TLE1: variants seen among roughly 807,000 people sequenced by gnomAD.
TLE1 encodes transducin-like enhancer protein 1.
TLE1 carries 21 observed loss-of-function variants against 89.8 expected under a neutral mutation model. The observed-to-expected ratio is 0.23, with a 90% CI of 0.17 to 0.34. TLE1 has a LOEUF of 0.34. TLE1 is among the 10% of genes least tolerant of loss of function. The pLI is 1.00. For missense variants in TLE1, 795 were observed against 1,031.2 expected (o/e 0.77, Z 3.14); for synonymous variants, 447 against 407.6 (o/e 1.10, Z -1.16).
intron 4 of TLE1, among the ~76,000 whole-genome samples, chr9:81,665,482 A>AG (rs1470410977): frequency 2.6e-5 from 4 of 152,014 alleles, no homozygotes; most frequent in Non-Finnish European, 5.9e-5. Context: ...TCACACTCGC[A>AG]GTTCTCTGAA....
chr9:81,631,644 G>C (rs748436775), intron 8 of TLE1, among the ~76,000 whole-genome samples: 5 of 152,200 alleles, frequency 3.3e-5, no homozygotes, highest in Non-Finnish European at 7.3e-5. Context: ...AGGTGAAACA[G>C]GAGTACTGAA....
intron 6 of TLE1, among the ~76,000 whole-genome samples, chr9:81,650,714 G>A (rs1180455766): frequency 6.6e-6 from 1 of 152,136 alleles, no homozygotes; most frequent in East Asian, 1.9e-4. Flanking sequence ...TACTGAAGGA[G>A]GGGGAAGGCA....
At chr9:81,643,301 A>C (rs544164409) in intron 6 of TLE1, among the ~76,000 whole-genome samples, 1 of 151,264 alleles carries the variant, frequency 6.6e-6, no homozygotes, top group South Asian at 2.1e-4. Context: ...CAATGGTGCG[A>C]TCTCGGCTCA....
At chr9:81,600,971 G>A (rs1181168086) in intron 14 of TLE1, among the ~76,000 whole-genome samples, 5 of 152,144 alleles carry the variant, frequency 3.3e-5, no homozygotes, top group South Asian at 2.1e-4. Context: ...CAGCTTTCCC[G>A]GGCCTCCAGC....
intron 16 of TLE1, among the ~76,000 whole-genome samples, chr9:81,589,723 G>C (rs1188076909): frequency 6.6e-6 from 1 of 152,132 alleles, no homozygotes; most frequent in Admixed American, 6.5e-5. Context: ...AAAGTGCTTA[G>C]AATTGATATT....
intron 8 of TLE1, among the ~76,000 whole-genome samples, chr9:81,632,607 T>C (rs750153747): frequency 2.0e-4 from 30 of 152,064 alleles, no homozygotes; most frequent in Non-Finnish European, 3.2e-4. Flanking sequence ...TACACAACAT[T>C]TGAGACACAC....
At chr9:81,600,246 C>G (rs1358687713) in intron 14 of TLE1, 1 of 578,092 alleles carries the variant, frequency 1.7e-6, no homozygotes, top group Non-Finnish European at 3.1e-6. Flanking sequence ...CAGACAAAAA[C>G]GAGCATTATC....
In TLE1 at chr9:81,688,713, C is replaced by G. The variant is rs924015914; in HGVS notation, c.-473G>C. The stretch of plus-strand genomic sequence containing the variant: ...CCTCCTCTTCGGGCTTTCCCCGAGG[C>G]GGCGGCGGGCGAGGTGCAGGTGGCG... On this transcript the variant is annotated 5_prime_UTR_variant, in exon 1 of 20. Transcript: ENST00000376499. 2 of 155,740 alleles carry G rather than the reference C, an allele frequency of 1.3e-5. No individual in the cohort carries two copies. The highest frequency in any genetic ancestry group is 4.8e-5 in the African/African-American group (2 of 41,612). The allele number at this position is 155,740 out of a possible 1,614,324, so 9.6% of individuals were successfully genotyped here. A position where few individuals can be genotyped will look rare whatever the true frequency, so the allele number is the denominator to read the frequency against.
chr9:81,672,270 T>TA (rs1832319587), intron 4 of TLE1, among the ~76,000 whole-genome samples: 1 of 152,134 alleles, frequency 6.6e-6, no homozygotes, highest in Non-Finnish European at 1.5e-5. Context: ...GTAAACAGCC[T>TA]AAACTTCCAG....
At chr9:81,680,469 C>T (rs996362032) in intron 4 of TLE1, among the ~76,000 whole-genome samples, 1 of 152,100 alleles carries the variant, frequency 6.6e-6, no homozygotes, top group African/African-American at 2.4e-5. Flanking sequence ...GGGGGCATTC[C>T]GTTTGAATTT....
At chr9:81,664,499 T>G (rs1211860630) in intron 4 of TLE1, among the ~76,000 whole-genome samples, 1 of 152,186 alleles carries the variant, frequency 6.6e-6, no homozygotes, top group Non-Finnish European at 1.5e-5. Context: ...TGTGTCTGAG[T>G]AGCTTTTGTT....
intron 7 of TLE1, 48 bp downstream of exon 7, chr9:81,634,049 G>T: frequency 1.3e-6 from 2 of 1,561,638 alleles, no homozygotes; most frequent in Non-Finnish European, 1.7e-6. Context: ...TTGCAGCACT[G>T]TAAGAGTATG....
Position 81,687,384 on chromosome 9 carries a change from G to A in TLE1, c.75C>T (p.Ser25=), listed in dbSNP as rs1363482333. ...GGAATTCCTCTTTAATCCGGTCCAGGGACTCCGGGATAGTGAACTTGAAGG... is the reference window on the plus strand; with the variant it reads ...GGAATTCCTCTTTAATCCGGTCCAGAGACTCCGGGATAGTGAACTTGAAGG... ...GQPFKFTIPE[S]LDRIKEEFQF... is the part of the protein sequence containing the mutation. Residue 25 remains serine, a synonymous_variant, in exon 2 of 20, where the codon TCC becomes TCT. Transcript: ENST00000376499. 17 of 1,611,212 alleles carry A rather than the reference G, an allele frequency of 1.1e-5. No individual in the cohort carries two copies. The highest frequency in any genetic ancestry group is 1.7e-5 in the Admixed American group (1 of 59,776).
intron 4 of TLE1, among the ~76,000 whole-genome samples, chr9:81,675,716 T>TTTTTTTTTTTTTTTTTTTTA (rs1832815548): frequency 6.7e-6 from 1 of 148,494 alleles, no homozygotes; most frequent in African/African-American, 2.6e-5. Flanking sequence ...TTGTTTTTTT[T>TTTTTTTTTTTTTTTTTTTTA]TTTGAGACGG....
At position 81,687,504 on chromosome 9, in the gene TLE1, A is replaced by G. The variant is rs545005208; in HGVS notation, c.25-70T>C. On this transcript the variant is annotated intron_variant, in intron 1 of 19. Coordinates refer to ENST00000376499, the MANE Select transcript of TLE1 (RefSeq NM_005077.5). ...GGATGAATAAAGCAGTAAGTCAGAG[A>G]AGGCAAGAACGGGTGGGACATAAAC... is the stretch of plus-strand genomic sequence containing the variant. 219 of 1,226,318 alleles carry G rather than the reference A, an allele frequency of 1.8e-4. No individual in the cohort carries two copies. In the African/African-American group the frequency reaches 2.9e-3, roughly 16 times the overall value. The allele number at this position is 1,226,318 out of a possible 1,614,324, so 76.0% of individuals were successfully genotyped here.
intron 4 of TLE1, among the ~76,000 whole-genome samples, chr9:81,685,260 A>G (rs1212171223): frequency 6.6e-6 from 1 of 152,184 alleles, no homozygotes; most frequent in Non-Finnish European, 1.5e-5. Context: ...CCACGATTAA[A>G]AAAAACTCCT....
At chr9:81,661,071 G>A (rs549526380) in intron 4 of TLE1, among the ~76,000 whole-genome samples, 1 of 151,114 alleles carries the variant, frequency 6.6e-6, no homozygotes, top group Non-Finnish European at 1.5e-5. Context: ...AGGTTGCAGT[G>A]AGCTGAGATG....
Position 81,584,202 on chromosome 9 carries a change from T to C in TLE1, c.2309A>G (p.Tyr770Cys), listed in dbSNP as rs1386638792. 2 of 1,613,108 alleles carry C rather than the reference T, an allele frequency of 1.2e-6. No individual in the cohort carries two copies. Among genetic ancestry groups the C allele is most frequent in the African/African-American group, 1.3e-5 (1 of 75,058 alleles). The change falls in exon 20 of 20, where the codon TAC (tyrosine) becomes TGC (cysteine). Residue 770 changes from tyrosine to cysteine, a missense_variant. This residue lies in a region of TLE1 where 214 missense variants were observed against 354.9 expected (regional missense o/e 0.60). Transcript: ENST00000376499. ...ACGTTAAACCACATAATGTTTTCAGTAGATGACTTCATAGACTGTAGCCTT... is the reference window on the plus strand; with the variant it reads ...ACGTTAAACCACATAATGTTTTCAGCAGATGACTTCATAGACTGTAGCCTT... ...DKKATVYEVI[Y>C]
chr9:81,677,561 T>A (rs1456233507), intron 4 of TLE1, among the ~76,000 whole-genome samples: 4 of 94,760 alleles, frequency 4.2e-5, no homozygotes, highest in Admixed American at 1.4e-4. Context: ...CGAGACTCCA[T>A]CTCAAAAAAA....
Sources: allele counts gnomAD v4.1 joint callset (sites outside exome capture counted in the v4.1 genomes callset), GRCh38; gene constraint gnomAD v4.1.1; regional missense constraint gnomAD v4.1.1; transcripts MANE v1.5; gene names NCBI Gene and HGNC (gene_info 2026-07-23, HGNC 2026-07-21).